Variants in EDAR observed in about 807,000 individuals in gnomAD.
EDAR encodes tumor necrosis factor receptor superfamily member EDAR.
EDAR carries 38 observed loss-of-function variants against 51.3 expected under a neutral mutation model. That is an observed-to-expected ratio of 0.74 (90% CI 0.57 to 0.97). The LOEUF is 0.97. Among genes scored for constraint, EDAR ranks in the 50% least tolerant of loss-of-function variants. The pLI, the probability that EDAR is intolerant of heterozygous loss-of-function variation, is 0.00. For missense variants in EDAR, 528 were observed against 595.0 expected, an observed-to-expected ratio of 0.89 and a Z score of 1.17; for synonymous variants, 227 against 242.1, an observed-to-expected ratio of 0.94 and a Z score of 0.58.
chr2:108,958,413 A>C (rs1196991548), intron 1 of EDAR, among the ~76,000 whole-genome samples: 1 of 151,602 alleles, frequency 6.6e-6, no homozygotes, highest in African/African-American at 2.4e-5. Context: ...CAGCAGGAAA[A>C]AAAAAACAAA....
chr2:108,983,663 G>C (rs260675), intron 1 of EDAR, among the ~76,000 whole-genome samples: 142,104 of 152,246 alleles, frequency 0.93, 66,783 homozygotes, highest in East Asian at 1. Context: ...TAATCGACCT[G>C]CATCTTCCAG....
intron 1 of EDAR, among the ~76,000 whole-genome samples, chr2:108,977,435 AT>A (rs563244795): frequency 9.0e-4 from 136 of 151,882 alleles, no homozygotes; most frequent in African/African-American, 3.0e-3. Flanking sequence ...TGCCTGGCTA[AT>A]TTTTTTTGTA....
In EDAR at chr2:108,909,686, G is replaced by A. The variant is rs151209708; in HGVS notation, c.803+774C>T. On this transcript the variant is annotated intron_variant, in intron 9 of 11. Transcript: ENST00000258443. ...GGGTTGATTTTTGGAAGCTACGCAG[G>A]ACCAAGTCCAAATGACCATCCCACT... Among the ~76,000 whole-genome samples the A allele has an allele frequency of 3.1e-3, 467 of 152,328 alleles. 3 individuals are homozygous for A. Among genetic ancestry groups the A allele is most frequent in the South Asian group, 6.2e-3 (30 of 4,828 alleles).
chr2:108,909,567 G>C (rs916368214), intron 9 of EDAR, among the ~76,000 whole-genome samples: 5 of 152,170 alleles, frequency 3.3e-5, no homozygotes, highest in Non-Finnish European at 7.3e-5. Context: ...CACTGTTGCG[G>C]GGGTGTCCTT....
At position 108,986,997 on chromosome 2, in the gene EDAR, C is replaced by T. The variant is rs573355657; in HGVS notation, c.-19+1963G>A. Among the ~76,000 whole-genome samples, 5 of 152,240 alleles carry T rather than the reference C, an allele frequency of 3.3e-5. No individual in the cohort carries two copies. In the South Asian group the frequency reaches 1.0e-3, roughly 32 times the overall value. ...AAACAGCATCAAAGGAACGAGCAGG[C>T]AGGTGTCATCCAGGATAATTGAGGC... is the stretch of plus-strand genomic sequence containing the variant. On this transcript the variant is annotated intron_variant, in intron 1 of 11. Coordinates refer to ENST00000258443, the MANE Select transcript of EDAR (RefSeq NM_022336.4).
At chr2:108,938,313 A>G (rs192951566) in intron 1 of EDAR, among the ~76,000 whole-genome samples, 93 of 152,350 alleles carry the variant, frequency 6.1e-4, no homozygotes, top group Admixed American at 1.7e-3. Flanking sequence ...CAACATGGTT[A>G]TTGCTGCTTG....
At chr2:108,957,357 T>C (rs1697945447) in intron 1 of EDAR, among the ~76,000 whole-genome samples, 1 of 152,234 alleles carries the variant, frequency 6.6e-6, no homozygotes, top group Non-Finnish European at 1.5e-5. Context: ...CCAAAGGTCT[T>C]AGTCACTGGT....
At chr2:108,981,317 C>T (rs1037595702) in intron 1 of EDAR, among the ~76,000 whole-genome samples, 1 of 152,206 alleles carries the variant, frequency 6.6e-6, no homozygotes, top group Non-Finnish European at 1.5e-5. Flanking sequence ...GGTGGCTAGC[C>T]CATGCCAGTC....
At chr2:108,936,784 G>GCATT (rs1697477726) in intron 1 of EDAR, among the ~76,000 whole-genome samples, 2 of 152,224 alleles carry the variant, frequency 1.3e-5, no homozygotes, top group South Asian at 4.1e-4. Flanking sequence ...GGAGAGGGAT[G>GCATT]CATTCTCTTT....
intron 1 of EDAR, among the ~76,000 whole-genome samples, chr2:108,969,153 C>T (rs1405673009): frequency 6.6e-6 from 1 of 152,130 alleles, no homozygotes; most frequent in African/African-American, 2.4e-5. Flanking sequence ...AGAAAGAAGG[C>T]ACCTCTGCTC....
intron 1 of EDAR, among the ~76,000 whole-genome samples, chr2:108,967,193 C>A (rs1247693847): frequency 1.3e-5 from 2 of 152,144 alleles, no homozygotes; most frequent in African/African-American, 4.8e-5. Context: ...CCTTGGCCTC[C>A]CAAAGTGCTC....
chr2:108,930,878 C>G, intron 2 of EDAR, 86 bp downstream of exon 2: 1 of 1,443,954 alleles, frequency 6.9e-7, no homozygotes, highest in South Asian at 1.1e-5. Flanking sequence ...ATCAGCATTC[C>G]CATTTTACAG....
At chr2:108,924,795 C>G (rs1270832772) in intron 4 of EDAR, among the ~76,000 whole-genome samples, 1 of 152,266 alleles carries the variant, frequency 6.6e-6, no homozygotes, top group South Asian at 2.1e-4. Flanking sequence ...ACAGCTAAGC[C>G]TCTCGCAAAT....
chr2:108,930,145 C>T lies in EDAR; in HGVS notation c.149G>A (p.Cys50Tyr), dbSNP rs1214329002. ...TTGLCQECPP[C>Y]GPGEEPYLSC... ...CAGGTAGGGCTCCTCTCCCGGCCCA[C>T]ACGGGGGGCACTCCTGGCACAGCCC... Residue 50 changes from cysteine (C) to tyrosine (Y), a missense_variant, in exon 3 of 12, where the codon TGT becomes TAT. Transcript: ENST00000258443. 6.2e-7 allele frequency: 1 copy of T among 1,613,882 alleles called. No homozygotes were observed. Among genetic ancestry groups the T allele is most frequent in the Non-Finnish European group, 8.5e-7 (1 of 1,180,016 alleles).
chr2:108,947,417 A>C (rs1018511382), intron 1 of EDAR, among the ~76,000 whole-genome samples: 3 of 152,182 alleles, frequency 2.0e-5, no homozygotes, highest in African/African-American at 7.2e-5. Context: ...TCCACTAGGC[A>C]GTGCCCCAGT....
chr2:108,896,856 C>A lies in EDAR; in HGVS notation c.*51G>T, dbSNP rs768162724. ...TTGGCACCACTCACAGCTCCAGAGC[C>A]CTCGTTGGCTCCTTGGCTTGTCCTG... On this transcript the variant is annotated 3_prime_UTR_variant, in exon 12 of 12. Coordinates refer to ENST00000258443, the MANE Select transcript of EDAR (RefSeq NM_022336.4). 1.3e-6 allele frequency: 2 copies of A among 1,562,686 alleles called. No homozygotes were observed. Among genetic ancestry groups the A allele is most frequent in the Admixed American group, 1.8e-5 (1 of 55,218 alleles).
chr2:108,922,902 G>C (rs1431556028), intron 5 of EDAR, among the ~76,000 whole-genome samples: 4 of 152,200 alleles, frequency 2.6e-5, no homozygotes, highest in African/African-American at 9.7e-5. Flanking sequence ...AAACTCCTGA[G>C]ACTGTTTACA....
Position 108,929,327 on chromosome 2 carries a change from G to A in EDAR, c.227C>T (p.Ala76Val), listed in dbSNP as rs143471570. Residue 76 changes from alanine (A) to valine (V), a missense_variant, in exon 4 of 12, where the codon GCG (alanine) becomes GTG (valine). Coordinates refer to ENST00000258443, the MANE Select transcript of EDAR (RefSeq NM_022336.4). The part of the protein sequence containing the change: ...DEDYGCVPCP[A>V]EKFSKGGYQI... ...GTAGCCTCCTTTGGAAAACTTCTCC[G>A]CCGGGCAGGGGACGCAGCCGTAGTC... 1.3e-4 allele frequency: 213 copies of A among 1,614,096 alleles called. 2 individuals are homozygous for A. In the African/African-American group the frequency reaches 2.6e-3, roughly 19 times the overall value.
chr2:108,988,613 C>T (rs1364396751), intron 1 of EDAR, among the ~76,000 whole-genome samples: 1 of 152,150 alleles, frequency 6.6e-6, no homozygotes, highest in Non-Finnish European at 1.5e-5. Flanking sequence ...GTGAGCCGGG[C>T]ACAGGGGCAA....
Sources: allele counts gnomAD v4.1 joint callset (sites outside exome capture counted in the v4.1 genomes callset), GRCh38; gene constraint gnomAD v4.1.1; transcripts MANE v1.5; gene names NCBI Gene and HGNC (gene_info 2026-07-23, HGNC 2026-07-21).